The following CLVS1 variants were observed in gnomAD, a reference collection of about 807,000 sequenced individuals.
CLVS1 encodes clavesin-1.
CLVS1 carries 10 observed loss-of-function variants against 33.1 expected under a neutral mutation model. The ratio of observed to expected loss-of-function variants is 0.30; its 90% confidence interval spans 0.19 to 0.51. The LOEUF (loss-of-function observed/expected upper bound fraction) is 0.51. CLVS1 is among the 20% of genes least tolerant of loss of function. The pLI is 0.97. For missense variants in CLVS1, 343 were observed against 433.4 expected (o/e 0.79, Z 1.85); for synonymous variants, 163 against 166.1 (o/e 0.98, Z 0.14).
chr8:60,979,604 C>T, the CLVS1 span, among the ~76,000 whole-genome samples: 339 of 152,208 alleles, frequency 2.2e-3, 3 homozygotes, highest in African/African-American at 7.7e-3. Context: ...TGTGTGTGTG[C>T]CAGGCAATGT....
chr8:61,163,441 C>T (rs1004387517), intron 2 of CLVS1, among the ~76,000 whole-genome samples: 15 of 152,160 alleles, frequency 9.9e-5, no homozygotes, highest in Non-Finnish European at 1.8e-4. Flanking sequence ...GATAATGGAT[C>T]TTTTGACTTA....
chr8:61,310,136 G>A (rs1810783614), intron 2 of CLVS1, among the ~76,000 whole-genome samples: 1 of 152,140 alleles, frequency 6.6e-6, no homozygotes, highest in African/African-American at 2.4e-5. Context: ...CCAAGAAAAG[G>A]TTTAACTGTC....
chr8:61,221,043 G>A lies in CLVS1; in HGVS notation c.-151-78634G>A, dbSNP rs77241160. On this transcript the variant is annotated intron_variant, in intron 2 of 2. Transcript: ENST00000522621. Reference sequence around the variant, plus strand: ...TTTGCACATTTATTTTGTATCCTGAGACTTCGCTGAAGTTGCTTATCAGTT... The same window carrying A: ...TTTGCACATTTATTTTGTATCCTGAAACTTCGCTGAAGTTGCTTATCAGTT... Among the ~76,000 whole-genome samples, 503 of 152,290 alleles carry A rather than the reference G, an allele frequency of 3.3e-3. 1 individual carries two copies. Among genetic ancestry groups the A allele is most frequent in the African/African-American group, 0.011 (465 of 41,562 alleles).
chr8:61,024,252 G>A, the CLVS1 span, among the ~76,000 whole-genome samples: 1 of 152,134 alleles, frequency 6.6e-6, no homozygotes, highest in African/African-American at 2.4e-5. Context: ...GGGGGCAATG[G>A]CAAGCCATTG....
intron 1 of CLVS1, among the ~76,000 whole-genome samples, chr8:61,093,047 C>T (rs1805279768): frequency 6.6e-6 from 1 of 152,130 alleles, no homozygotes. Context: ...TAGGTAAACT[C>T]CTGGTTCTAA....
intron 2 of CLVS1, among the ~76,000 whole-genome samples, chr8:61,339,992 G>T (rs2129598101): frequency 7.8e-6 from 1 of 127,514 alleles, no homozygotes; most frequent in South Asian, 2.5e-4. Flanking sequence ...GTGAAAAAGA[G>T]AAAATGAAAG....
intron 2 of CLVS1, among the ~76,000 whole-genome samples, chr8:61,340,882 T>A (rs1307780035): frequency 6.6e-6 from 1 of 152,258 alleles, no homozygotes; most frequent in African/African-American, 2.4e-5. Flanking sequence ...TCTTTTTAAT[T>A]GGTTCAATAA....
intron 5 of CLVS1, among the ~76,000 whole-genome samples, chr8:61,466,741 G>A (rs917848826): frequency 4.6e-5 from 7 of 152,044 alleles, no homozygotes; most frequent in African/African-American, 1.4e-4. Context: ...TCCACCTCCC[G>A]GGTTCAAGTG....
intron 2 of CLVS1, among the ~76,000 whole-genome samples, chr8:61,205,857 T>C (rs1280240775): frequency 6.6e-6 from 1 of 152,236 alleles, no homozygotes; most frequent in Non-Finnish European, 1.5e-5. Context: ...TTTTATTTGC[T>C]AAAGTTCTTT....
chr8:61,444,969 C>T (rs1816699930), intron 3 of CLVS1, among the ~76,000 whole-genome samples: 1 of 152,132 alleles, frequency 6.6e-6, no homozygotes, highest in Non-Finnish European at 1.5e-5. Flanking sequence ...GAAAGGGGAG[C>T]TCCCAGGCTA....
chr8:61,046,564 A>C, the CLVS1 span, among the ~76,000 whole-genome samples: 238 of 148,188 alleles, frequency 1.6e-3, 4 homozygotes, highest in African/African-American at 5.7e-3. Flanking sequence ...CATTGAATCT[A>C]TAAATTACCT....
intron 1 of CLVS1, among the ~76,000 whole-genome samples, chr8:61,073,346 T>C (rs949811918): frequency 6.6e-6 from 1 of 152,236 alleles, no homozygotes; most frequent in African/African-American, 2.4e-5. Context: ...CCATACGCTG[T>C]CAGATTTCCT....
chr8:61,083,072 G>C (rs1251247570), intron 1 of CLVS1, among the ~76,000 whole-genome samples: 1 of 152,118 alleles, frequency 6.6e-6, no homozygotes, highest in African/African-American at 2.4e-5. Context: ...TATGTTTCAA[G>C]AAGTGTGAAA....
chr8:61,379,678 G>C (rs1379474838), intron 3 of CLVS1, among the ~76,000 whole-genome samples: 2 of 152,190 alleles, frequency 1.3e-5, no homozygotes, highest in African/African-American at 4.8e-5. Flanking sequence ...AGCAGACTAT[G>C]ATGTGACTAA....
the CLVS1 span, chr8:60,967,606 C>G: frequency 4.4e-6 from 2 of 455,552 alleles, no homozygotes; most frequent in Non-Finnish European, 8.8e-6. Flanking sequence ...CTTCTGGGAA[C>G]CATGTGTGGC....
intron 1 of CLVS1, among the ~76,000 whole-genome samples, chr8:61,082,124 A>G (rs1805031074): frequency 7.1e-6 from 1 of 140,496 alleles, no homozygotes; most frequent in Non-Finnish European, 1.5e-5. Context: ...CTAAGAATCA[A>G]ATGGAAATAC....
chr8:60,998,070 C>T, the CLVS1 span, among the ~76,000 whole-genome samples: 8 of 152,064 alleles, frequency 5.3e-5, no homozygotes, highest in Non-Finnish European at 8.8e-5. Context: ...GTGATTTGCC[C>T]GTTGTCTCTC....
chr8:61,113,719 G>A (rs537480236), intron 1 of CLVS1, among the ~76,000 whole-genome samples: 4 of 152,296 alleles, frequency 2.6e-5, no homozygotes, highest in East Asian at 1.9e-4. Flanking sequence ...ACTGACACCC[G>A]CCCATCAGTC....
At chr8:61,152,759 T>A (rs886786420) in intron 2 of CLVS1, among the ~76,000 whole-genome samples, 1 of 152,136 alleles carries the variant, frequency 6.6e-6, no homozygotes, top group Non-Finnish European at 1.5e-5. Flanking sequence ...AAACATTCAA[T>A]CCCCAGCATC....
Sources: gnomAD v4.1 joint callset for allele counts (sites outside exome capture counted in the v4.1 genomes callset) on GRCh38, gnomAD v4.1.1 for gene constraint, MANE v1.5 for transcripts, NCBI Gene and HGNC (gene_info 2026-07-23, HGNC 2026-07-21) for gene names.